Variants in COL23A1 observed in about 807,000 individuals in gnomAD.
COL23A1 encodes the protein collagen type XXIII alpha 1 chain.
In COL23A1, 97 loss-of-function variants were observed where a neutral mutation model predicts 99.3. That is an observed-to-expected ratio of 0.98 (90% CI 0.83 to 1.16). The LOEUF is 1.16. COL23A1 is among the 50% of genes most tolerant of loss of function. The pLI is 0.00. For missense variants in COL23A1, 762 were observed against 757.4 expected, an observed-to-expected ratio of 1.01 and a Z score of -0.07; for synonymous variants, 320 against 308.2, an observed-to-expected ratio of 1.04 and a Z score of -0.40.
At chr5:178,543,209 C>G (rs1382255240) in intron 2 of COL23A1, among the ~76,000 whole-genome samples, 1 of 151,758 alleles carries the variant, frequency 6.6e-6, no homozygotes, top group Admixed American at 6.6e-5. Context: ...CCAGGTTCAA[C>G]CGATTCTCCT....
At chr5:178,487,623 G>A (rs1164322010) in intron 2 of COL23A1, among the ~76,000 whole-genome samples, 1 of 152,188 alleles carries the variant, frequency 6.6e-6, no homozygotes, top group Non-Finnish European at 1.5e-5. Flanking sequence ...CCTGTCCGGG[G>A]AATGACTCCG....
chr5:178,563,577 G>A (rs1470761236), intron 1 of COL23A1, among the ~76,000 whole-genome samples: 4 of 138,058 alleles, frequency 2.9e-5, no homozygotes, highest in Non-Finnish European at 6.0e-5. Context: ...TGTCATCCAG[G>A]CTGGAATGCA....
At chr5:178,455,753 A>C (rs1392499550) in intron 2 of COL23A1, among the ~76,000 whole-genome samples, 1 of 152,006 alleles carries the variant, frequency 6.6e-6, no homozygotes, top group Non-Finnish European at 1.5e-5. Context: ...CTCCACGAGG[A>C]GGTCAGAGCG....
chr5:178,473,977 G>A (rs1275792592), intron 2 of COL23A1, among the ~76,000 whole-genome samples: 1 of 152,186 alleles, frequency 6.6e-6, no homozygotes, highest in African/African-American at 2.4e-5. Flanking sequence ...AAACTGTGCT[G>A]AGCTTTAATG....
chr5:178,499,660 C>T (rs1181852140), intron 2 of COL23A1, among the ~76,000 whole-genome samples: 1 of 152,252 alleles, frequency 6.6e-6, no homozygotes, highest in Non-Finnish European at 1.5e-5. Flanking sequence ...TCATGTCAGT[C>T]TCTTAAAAAG....
chr5:178,577,961 G>A (rs1008852992), intron 1 of COL23A1, among the ~76,000 whole-genome samples: 2 of 151,582 alleles, frequency 1.3e-5, no homozygotes, highest in African/African-American at 4.9e-5. Flanking sequence ...ATAAGGTCAG[G>A]CTGGTCCCAT....
intron 1 of COL23A1, among the ~76,000 whole-genome samples, chr5:178,570,848 G>A (rs2113649364): frequency 6.6e-6 from 1 of 151,538 alleles, no homozygotes; most frequent in Non-Finnish European, 1.5e-5. Context: ...GTGCGGAACA[G>A]AGGACTGGAG....
At chr5:178,517,016 C>T (rs781129497) in intron 2 of COL23A1, among the ~76,000 whole-genome samples, 1 of 152,200 alleles carries the variant, frequency 6.6e-6, no homozygotes, top group South Asian at 2.1e-4. Context: ...CACACTGGGC[C>T]AGGACTCAGT....
At chr5:178,515,553 C>A (rs764959811) in intron 2 of COL23A1, among the ~76,000 whole-genome samples, 2 of 152,206 alleles carry the variant, frequency 1.3e-5, no homozygotes, top group Non-Finnish European at 2.9e-5. Flanking sequence ...CCTACCTGCC[C>A]ATCCTGGTGC....
chr5:178,518,727 T>G, intron 2 of COL23A1, among the ~76,000 whole-genome samples: 1 of 144,912 alleles, frequency 6.9e-6, no homozygotes, highest in Non-Finnish European at 1.5e-5. Context: ...CACTCCTCAC[T>G]TCCCAGACGG....
chr5:178,275,634 G>A (rs949847525), intron 5 of COL23A1, among the ~76,000 whole-genome samples: 5 of 152,038 alleles, frequency 3.3e-5, no homozygotes, highest in East Asian at 1.9e-4. Flanking sequence ...CCTCAGAATC[G>A]CGCAGGTTCT....
At chr5:178,240,619 T>C (rs115243176) in intron 27 of COL23A1, among the ~76,000 whole-genome samples, 1 of 152,212 alleles carries the variant, frequency 6.6e-6, no homozygotes, top group African/African-American at 2.4e-5. Context: ...TGGGCCACCC[T>C]GCCCCTGCTG....
intron 2 of COL23A1, among the ~76,000 whole-genome samples, chr5:178,519,467 C>T (rs2128004109): frequency 6.6e-6 from 1 of 152,372 alleles, no homozygotes; most frequent in South Asian, 2.1e-4. Context: ...TGGCCGCGCC[C>T]TGCACAATGC....
chr5:178,587,991 C>T (rs1764085494), intron 1 of COL23A1, among the ~76,000 whole-genome samples: 1 of 152,256 alleles, frequency 6.6e-6, no homozygotes, highest in Non-Finnish European at 1.5e-5. Flanking sequence ...AGCCAGCTTA[C>T]ACTCCACGCA....
intron 1 of COL23A1, among the ~76,000 whole-genome samples, chr5:178,570,038 A>T (rs1479424625): frequency 6.6e-6 from 1 of 152,114 alleles, no homozygotes; most frequent in Admixed American, 6.5e-5. Flanking sequence ...CATGTTCCCT[A>T]GGGAGCGGGA....
chr5:178,379,309 G>A (rs961983095), intron 2 of COL23A1, among the ~76,000 whole-genome samples: 1 of 152,246 alleles, frequency 6.6e-6, no homozygotes, highest in Non-Finnish European at 1.5e-5. Context: ...GACCGTAGAT[G>A]CTAGGACTGG....
At chr5:178,572,867 T>C (rs890119698) in intron 1 of COL23A1, among the ~76,000 whole-genome samples, 4 of 152,212 alleles carry the variant, frequency 2.6e-5, no homozygotes, top group Non-Finnish European at 5.9e-5. Context: ...AATTAACTAT[T>C]GTGCAAAAGC....
intron 2 of COL23A1, among the ~76,000 whole-genome samples, chr5:178,317,650 C>T (rs1759050330): frequency 3.3e-5 from 5 of 152,218 alleles, no homozygotes; most frequent in Admixed American, 3.3e-4. Context: ...AATAACACTC[C>T]TCTTTCATGT....
chr5:178,326,521 G>C (rs896177170), intron 2 of COL23A1, among the ~76,000 whole-genome samples: 4 of 152,054 alleles, frequency 2.6e-5, no homozygotes, highest in East Asian at 1.9e-4. Flanking sequence ...GACACCCTGA[G>C]AAGAAACCGT....
Sources: gnomAD v4.1 joint callset for allele counts (sites outside exome capture counted in the v4.1 genomes callset) on GRCh38, gnomAD v4.1.1 for gene constraint, MANE v1.5 for transcripts, NCBI Gene and HGNC (gene_info 2026-07-23, HGNC 2026-07-21) for gene names.